Variants in GALNT17 observed in about 807,000 individuals in gnomAD.
GALNT17 encodes the protein UDP-GalNAc:polypeptide N-acetylgalactosaminyltransferase-like 3.
In GALNT17, 29 loss-of-function variants were observed where a neutral mutation model predicts 63.7. The ratio of observed to expected loss-of-function variants is 0.46; its 90% CI spans 0.34 to 0.62. The LOEUF (loss-of-function observed/expected upper bound fraction) is 0.62. Among genes scored for constraint, GALNT17 ranks in the 20% least tolerant of loss-of-function variants. The pLI is 0.01. For missense variants in GALNT17, 603 were observed against 799.6 expected (o/e 0.75, Z 2.97); for synonymous variants, 305 against 318.3 (o/e 0.96, Z 0.45).
At chr7:71,501,181 C>G (rs924747868) in intron 5 of GALNT17, among the ~76,000 whole-genome samples, 1 of 152,098 alleles carries the variant, frequency 6.6e-6, no homozygotes, top group Non-Finnish European at 1.5e-5. Context: ...GTTGGCCAGG[C>G]TGGTCTTGAA....
intron 1 of GALNT17, among the ~76,000 whole-genome samples, chr7:71,184,363 A>G (rs1788792686): frequency 1.4e-5 from 2 of 147,528 alleles, no homozygotes; most frequent in Admixed American, 1.3e-4. Flanking sequence ...CGATGATTTG[A>G]TCTCTGCTAG....
chr7:71,328,174 A>C (rs1375301524), intron 1 of GALNT17, among the ~76,000 whole-genome samples: 1 of 152,176 alleles, frequency 6.6e-6, no homozygotes, highest in Non-Finnish European at 1.5e-5. Context: ...GTTCTTACCT[A>C]ATAGTGCCAC....
chr7:71,711,660 ATCTT>A (rs1357640313), intron 10 of GALNT17, among the ~76,000 whole-genome samples: 1 of 130,566 alleles, frequency 7.7e-6, no homozygotes, highest in Non-Finnish European at 1.6e-5. Flanking sequence ...TCTCCCCTTT[ATCTT>A]TCTCTTTTTC....
At chr7:71,297,442 G>T (rs1562980319) in intron 1 of GALNT17, among the ~76,000 whole-genome samples, 1 of 152,302 alleles carries the variant, frequency 6.6e-6, no homozygotes, top group East Asian at 1.9e-4. Context: ...TACTCAGGAG[G>T]CTGAGGTAGG....
chr7:71,300,323 G>A (rs1189097754), intron 1 of GALNT17: 1 of 386,590 alleles, frequency 2.6e-6, no homozygotes, highest in Non-Finnish European at 5.2e-6. Flanking sequence ...TTCTTTCTAA[G>A]AGGAGGCTTG....
chr7:71,235,663 G>T (rs372410305), intron 1 of GALNT17, among the ~76,000 whole-genome samples: 2 of 152,160 alleles, frequency 1.3e-5, no homozygotes, highest in Non-Finnish European at 2.9e-5. Context: ...CCGCATTCAG[G>T]CTCCCAGTGA....
chr7:71,701,907 A>G (rs1432599538), intron 9 of GALNT17, among the ~76,000 whole-genome samples: 8 of 126,644 alleles, frequency 6.3e-5, no homozygotes, highest in Admixed American at 1.7e-4. Flanking sequence ...ACATATATAT[A>G]TATACATATA....
At chr7:71,411,152 G>A (rs993294468) in intron 3 of GALNT17, among the ~76,000 whole-genome samples, 2 of 151,522 alleles carry the variant, frequency 1.3e-5, no homozygotes, top group Non-Finnish European at 2.9e-5. Context: ...AGAGAGTCTC[G>A]CTCTGTCACC....
intron 1 of GALNT17, among the ~76,000 whole-genome samples, chr7:71,323,796 G>A (rs762377965): frequency 9.2e-5 from 14 of 152,178 alleles, no homozygotes; most frequent in Non-Finnish European, 1.6e-4. Flanking sequence ...TCATTCAGCC[G>A]TCCAATCGTA....
At chr7:71,201,757 G>A (rs542273524) in intron 1 of GALNT17, among the ~76,000 whole-genome samples, 1 of 151,494 alleles carries the variant, frequency 6.6e-6, no homozygotes, top group South Asian at 2.1e-4. Context: ...TCACCCTTCC[G>A]AGTCGCTGGG....
intron 1 of GALNT17, among the ~76,000 whole-genome samples, chr7:71,205,085 A>T (rs1482264441): frequency 1.3e-5 from 2 of 148,160 alleles, no homozygotes; most frequent in African/African-American, 5.0e-5. Flanking sequence ...CAGTGTACAG[A>T]TCTTTTGTTT....
chr7:71,153,933 T>A (rs1192621523), intron 1 of GALNT17, among the ~76,000 whole-genome samples: 1 of 135,818 alleles, frequency 7.4e-6, no homozygotes, highest in Non-Finnish European at 1.6e-5. Context: ...TAAAATAAAA[T>A]AAAAATAAAA....
chr7:71,211,047 A>G (rs1423300931), intron 1 of GALNT17, among the ~76,000 whole-genome samples: 2 of 152,272 alleles, frequency 1.3e-5, no homozygotes, highest in African/African-American at 4.8e-5. Flanking sequence ...CTTTTTACTA[A>G]ACCATATTAC....
Position 71,199,048 on chromosome 7 carries a change from C to G in GALNT17, c.238+66008C>G, listed in dbSNP as rs549998430. ...TAGTCCTGGATAATACTTTGAGAAC[C>G]TCTATGTGGCCGCGGCCTCTATCAG... On this transcript the variant is annotated intron_variant, in intron 1 of 10. Coordinates refer to ENST00000333538, the MANE Select transcript of GALNT17 (RefSeq NM_022479.3). Among the ~76,000 whole-genome samples the G allele has an allele frequency of 6.6e-5, 10 of 152,182 alleles. No individual in the cohort carries two copies. In the South Asian group the frequency reaches 2.1e-3, roughly 32 times the overall value.
chr7:71,486,973 G>T (rs1208720096), intron 5 of GALNT17, among the ~76,000 whole-genome samples: 1 of 152,126 alleles, frequency 6.6e-6, no homozygotes, highest in Non-Finnish European at 1.5e-5. Flanking sequence ...GCAGGGTGCT[G>T]CCCTGCCTGG....
At chr7:71,592,845 TCTTA>T (rs1789830114) in intron 6 of GALNT17, among the ~76,000 whole-genome samples, 1 of 152,160 alleles carries the variant, frequency 6.6e-6, no homozygotes, top group Non-Finnish European at 1.5e-5. Flanking sequence ...TTGTGGAAGC[TCTTA>T]CTTAAATCAG....
chr7:71,483,450 A>G (rs940039417), intron 5 of GALNT17, among the ~76,000 whole-genome samples: 3 of 151,654 alleles, frequency 2.0e-5, no homozygotes, highest in Admixed American at 2.0e-4. Context: ...AGCCTGGGCA[A>G]CAGAGTGAGA....
At chr7:71,422,675 C>T (rs1165585500) in intron 5 of GALNT17, among the ~76,000 whole-genome samples, 1 of 152,216 alleles carries the variant, frequency 6.6e-6, no homozygotes, top group African/African-American at 2.4e-5. Context: ...CCCGAAGCCC[C>T]AGTGGGCATG....
intron 5 of GALNT17, among the ~76,000 whole-genome samples, chr7:71,433,542 G>C (rs1357909913): frequency 6.6e-6 from 1 of 152,216 alleles, no homozygotes; most frequent in South Asian, 2.1e-4. Context: ...AGAAGCTGAT[G>C]GCTATCGGAT....
Sources: allele counts gnomAD v4.1 joint callset (sites outside exome capture counted in the v4.1 genomes callset), GRCh38; gene constraint gnomAD v4.1.1; transcripts MANE v1.5; gene names NCBI Gene and HGNC (gene_info 2026-07-23, HGNC 2026-07-21).